Variants in CFAP299 observed in about 807,000 individuals in gnomAD.
The protein encoded by CFAP299 is cilia and flagella associated protein 299.
CFAP299 carries 21 observed loss-of-function variants against 27.0 expected under a neutral mutation model. The observed-to-expected ratio is 0.78, with a 90% CI of 0.55 to 1.12. CFAP299 has a LOEUF of 1.12. Among genes scored for constraint, CFAP299 ranks in the 50% most tolerant of loss-of-function variants. CFAP299 has a pLI of 0.00. For missense variants in CFAP299, 310 were observed against 276.6 expected, an observed-to-expected ratio of 1.12 and a Z score of -0.86; for synonymous variants, 104 against 98.1, an observed-to-expected ratio of 1.06 and a Z score of -0.36.
In CFAP299 at chr4:80,372,686, C is replaced by G. The variant is rs368853727; in HGVS notation, c.242+9802C>G. On this transcript the variant is annotated intron_variant, in intron 2 of 5. Coordinates refer to ENST00000358105, the MANE Select transcript of CFAP299 (RefSeq NM_152770.3). ...GACCATGCCTTTTGAAAGCCAGGTA[C>G]TACTCATTTCTTGTTCATCCTTTCC... 1.1e-3 allele frequency among the ~76,000 whole-genome samples: 164 copies of G among 152,248 alleles called. 1 individual carries two copies. The highest frequency in any genetic ancestry group is 3.8e-3 in the African/African-American group (159 of 41,526).
intron 3 of CFAP299, among the ~76,000 whole-genome samples, chr4:80,618,482 C>T (rs1346787616): frequency 1.3e-5 from 2 of 151,602 alleles, no homozygotes; most frequent in Non-Finnish European, 2.9e-5. Flanking sequence ...TGTCATAGAT[C>T]CAAAATTTTG....
intron 5 of CFAP299, among the ~76,000 whole-genome samples, chr4:80,949,690 A>G (rs1737671534): frequency 6.6e-6 from 1 of 152,140 alleles, no homozygotes; most frequent in Admixed American, 6.6e-5. Context: ...CACAAGTATA[A>G]AACAGACAAG....
At chr4:80,464,082 T>C (rs905512222) in intron 2 of CFAP299, among the ~76,000 whole-genome samples, 4 of 149,378 alleles carry the variant, frequency 2.7e-5, no homozygotes, top group Non-Finnish European at 4.4e-5. Flanking sequence ...GACTTTATTT[T>C]GTAAATTTTT....
chr4:80,816,853 A>G (rs555365433), intron 3 of CFAP299, among the ~76,000 whole-genome samples: 1 of 152,100 alleles, frequency 6.6e-6, no homozygotes, highest in East Asian at 1.9e-4. Flanking sequence ...TTTAAAAAAA[A>G]TGCAAGAAAA....
At chr4:80,354,262 A>G (rs1723152394) in intron 1 of CFAP299, among the ~76,000 whole-genome samples, 1 of 152,220 alleles carries the variant, frequency 6.6e-6, no homozygotes, top group Non-Finnish European at 1.5e-5. Flanking sequence ...TGAAGGCACA[A>G]TAATTATGTA....
chr4:80,531,429 G>T (rs1016917740), intron 2 of CFAP299, among the ~76,000 whole-genome samples: 1 of 152,144 alleles, frequency 6.6e-6, no homozygotes, highest in African/African-American at 2.4e-5. Context: ...ATTTTAGCTT[G>T]TGGTTCAAAA....
At chr4:80,344,451 G>T (rs1258736746) in intron 1 of CFAP299, among the ~76,000 whole-genome samples, 1 of 152,002 alleles carries the variant, frequency 6.6e-6, no homozygotes, top group East Asian at 1.9e-4. Context: ...GAACCAGGAA[G>T]AAATTGAATC....
intron 2 of CFAP299, among the ~76,000 whole-genome samples, chr4:80,544,392 C>A (rs1183409536): frequency 6.6e-6 from 1 of 152,116 alleles, no homozygotes; most frequent in Admixed American, 6.5e-5. Flanking sequence ...CACAAACAGG[C>A]CAAATGCCCC....
intron 3 of CFAP299, among the ~76,000 whole-genome samples, chr4:80,646,248 T>C (rs1448537288): frequency 6.6e-6 from 1 of 152,162 alleles, no homozygotes; most frequent in Non-Finnish European, 1.5e-5. Flanking sequence ...TCCCATGCAA[T>C]ATTTGTTAAA....
At position 80,391,445 on chromosome 4, in the gene CFAP299, C is replaced by T. The variant is rs562411938; in HGVS notation, c.242+28561C>T. Among the ~76,000 whole-genome samples, 18 of 152,154 alleles carry T rather than the reference C, an allele frequency of 1.2e-4. No individual in the cohort carries two copies. In the South Asian group the frequency reaches 2.9e-3, roughly 25 times the overall value. ...GTGAAGTGTTATCTCATTGTGGTTC[C>T]GATTTGCTTTCCCTGATGACTAGTG... On this transcript the variant is annotated intron_variant, in intron 2 of 5. Coordinates refer to ENST00000358105, the MANE Select transcript of CFAP299 (RefSeq NM_152770.3).
At chr4:80,779,431 A>C (rs753415000) in intron 3 of CFAP299, among the ~76,000 whole-genome samples, 7 of 152,064 alleles carry the variant, frequency 4.6e-5, no homozygotes. Flanking sequence ...TGTGGCATGG[A>C]AATTAAATGC....
intron 3 of CFAP299, among the ~76,000 whole-genome samples, chr4:80,763,164 G>T (rs945119331): frequency 1.3e-5 from 2 of 152,170 alleles, no homozygotes; most frequent in Non-Finnish European, 2.9e-5. Context: ...AAGTCACATT[G>T]TCTCTGTTTG....
chr4:80,935,816 A>G lies in CFAP299; in HGVS notation c.477-8994A>G, dbSNP rs560103854. 4.3e-4 allele frequency among the ~76,000 whole-genome samples: 65 copies of G among 152,272 alleles called. 2 individuals carry two copies. In the South Asian group the frequency reaches 0.013, roughly 31 times the overall value. On this transcript the variant is annotated intron_variant, in intron 4 of 5. Transcript: ENST00000358105. ...GACAGAAAATATTTGCAAAGTATGC[A>G]TCTGACAAAGGTTCTATCCATTATC... is the stretch of plus-strand genomic sequence containing the variant.
intron 2 of CFAP299, among the ~76,000 whole-genome samples, chr4:80,547,959 C>T (rs1231381531): frequency 1.3e-5 from 2 of 152,144 alleles, no homozygotes; most frequent in African/African-American, 4.8e-5. Flanking sequence ...CTGTGGAATA[C>T]AATTTAGTGA....
intron 3 of CFAP299, among the ~76,000 whole-genome samples, chr4:80,679,526 C>T (rs1333633364): frequency 1.3e-5 from 2 of 151,974 alleles, no homozygotes; most frequent in Non-Finnish European, 2.9e-5. Context: ...TATACCATTT[C>T]ACATTGCTAC....
chr4:80,737,960 T>C (rs369465375), intron 3 of CFAP299, among the ~76,000 whole-genome samples: 53 of 152,262 alleles, frequency 3.5e-4, no homozygotes, highest in East Asian at 3.3e-3. Context: ...AATTTATTGA[T>C]GTCCATTTTA....
chr4:80,960,299 T>C (rs138628160), intron 5 of CFAP299, among the ~76,000 whole-genome samples: 2 of 152,074 alleles, frequency 1.3e-5, no homozygotes, highest in East Asian at 3.9e-4. Context: ...TTCATGTCAC[T>C]GCAATTTTCA....
chr4:80,508,444 GA>G (rs1295828454), intron 2 of CFAP299, among the ~76,000 whole-genome samples: 3 of 152,090 alleles, frequency 2.0e-5, no homozygotes, highest in Non-Finnish European at 4.4e-5. Context: ...AAATAAGAAA[GA>G]AACTTGCTAT....
chr4:80,517,044 G>A (rs553881287), intron 2 of CFAP299, among the ~76,000 whole-genome samples: 1 of 152,130 alleles, frequency 6.6e-6, no homozygotes, highest in African/African-American at 2.4e-5. Context: ...ATGAATGAGT[G>A]GATTAAGCTA....
Sources: gnomAD v4.1 joint callset for allele counts (sites outside exome capture counted in the v4.1 genomes callset) on GRCh38, gnomAD v4.1.1 for gene constraint, MANE v1.5 for transcripts, NCBI Gene and HGNC (gene_info 2026-07-23, HGNC 2026-07-21) for gene names.